CALB1: variants seen among roughly 807,000 people sequenced by gnomAD.
The protein encoded by CALB1 is calbindin.
A neutral mutation model predicts 46.7 loss-of-function variants in CALB1; 16 were observed. The ratio of observed to expected loss-of-function variants is 0.34; its 90% CI spans 0.23 to 0.52. The LOEUF (loss-of-function observed/expected upper bound fraction) is 0.52, where lower values mean the gene tolerates loss of function less well. Among genes scored for constraint, CALB1 ranks in the 20% least tolerant of loss-of-function variants. The pLI is 0.95. For synonymous variants in CALB1, 90 were observed against 112.8 expected (o/e 0.80, Z 1.28); for missense variants, 224 against 300.3 (o/e 0.75, Z 1.88).
chr8:90,079,554 G>A (rs530732241), intron 2 of CALB1, among the ~76,000 whole-genome samples: 7 of 151,766 alleles, frequency 4.6e-5, no homozygotes, highest in African/African-American at 7.2e-5. Context: ...ACATCTTAAC[G>A]TAAACAAAAA....
At chr8:90,076,479 A>G (rs1814625339) in intron 3 of CALB1, among the ~76,000 whole-genome samples, 1 of 152,024 alleles carries the variant, frequency 6.6e-6, no homozygotes, top group South Asian at 2.1e-4. Flanking sequence ...TTAATTTTCT[A>G]GTTATGATGA....
chr8:90,078,519 C>G (rs1434793824), intron 2 of CALB1, 72 bp from the exon 3 acceptor site: 4 of 877,938 alleles, frequency 4.6e-6, no homozygotes, highest in Non-Finnish European at 5.4e-6. Flanking sequence ...GTGTTAATAA[C>G]TTACTGCAAA....
At chr8:90,072,544 T>C (rs1814549877) in intron 3 of CALB1, among the ~76,000 whole-genome samples, 1 of 152,242 alleles carries the variant, frequency 6.6e-6, no homozygotes, top group African/African-American at 2.4e-5. Context: ...GATGTGGCTA[T>C]AGTGAATGTA....
intron 5 of CALB1, among the ~76,000 whole-genome samples, 170 bp downstream of exon 5, chr8:90,068,828 A>T (rs1300435335): frequency 1.3e-5 from 2 of 152,326 alleles, no homozygotes. Context: ...GAAGCAATTG[A>T]AGATGCTTTT....
chr8:90,059,914 A>G lies in CALB1; in HGVS notation c.*259T>C. 1 of 336,600 alleles carries G rather than the reference A, an allele frequency of 3.0e-6. No homozygotes were observed. The highest frequency in any genetic ancestry group is 5.4e-6 in the Non-Finnish European group (1 of 186,282). 20.9% of individuals were successfully genotyped at this position (336,600 alleles called of 1,614,324 possible). ...CTTGTTCAACTATATTTGTGAAAGC[A>G]AGAATATGTTATTTTTTAAAATTGG... On this transcript the variant is annotated 3_prime_UTR_variant, in exon 11 of 11. Coordinates refer to ENST00000265431, the MANE Select transcript of CALB1 (RefSeq NM_004929.4).
At chr8:90,076,445 T>G (rs1289417380) in intron 3 of CALB1, among the ~76,000 whole-genome samples, 1 of 152,076 alleles carries the variant, frequency 6.6e-6, no homozygotes, top group East Asian at 1.9e-4. Flanking sequence ...ATAAAATAGA[T>G]CTTCATTTTA....
At chr8:90,060,966 T>C (rs1011770887) in intron 9 of CALB1, 1 of 398,138 alleles carries the variant, frequency 2.5e-6, no homozygotes, top group Non-Finnish European at 4.6e-6. Flanking sequence ...TTAATGTTAA[T>C]AATATCTTCT....
intron 3 of CALB1, among the ~76,000 whole-genome samples, chr8:90,076,071 C>G (rs1814618049): frequency 6.6e-6 from 1 of 152,032 alleles, no homozygotes; most frequent in Non-Finnish European, 1.5e-5. Context: ...TGTCCTGGAA[C>G]ACTAAAACCT....
chr8:90,079,954 AAAGAG>A (rs1334949640), intron 2 of CALB1, among the ~76,000 whole-genome samples: 1 of 151,972 alleles, frequency 6.6e-6, no homozygotes, highest in African/African-American at 2.4e-5. Flanking sequence ...TGTTCTAAAG[AAAGAG>A]AAGAAATATA....
chr8:90,075,205 C>T (rs536890586), intron 3 of CALB1, among the ~76,000 whole-genome samples: 1 of 152,306 alleles, frequency 6.6e-6, no homozygotes, highest in South Asian at 2.1e-4. Context: ...TGTCAGCTAA[C>T]TTTGTCACGT....
chr8:90,072,694 T>C (rs1261407735), intron 3 of CALB1, among the ~76,000 whole-genome samples: 3 of 152,228 alleles, frequency 2.0e-5, no homozygotes, highest in African/African-American at 7.2e-5. Context: ...TATGACTATG[T>C]CTATAATGTG....
chr8:90,060,345 G>T (rs1814274168), intron 10 of CALB1, 59 bp from the exon 11 acceptor site: 1 of 1,012,816 alleles, frequency 9.9e-7, no homozygotes, highest in Non-Finnish European at 1.6e-6. Flanking sequence ...ATTAACCACT[G>T]TCAAGTGATA....
chr8:90,082,084 C>T lies in CALB1; in HGVS notation c.98G>A (p.Gly33Glu). 1 of 1,614,056 alleles carries T rather than the reference C, an allele frequency of 6.2e-7. No homozygotes were observed. The highest frequency in any genetic ancestry group is 8.5e-7 in the Non-Finnish European group (1 of 1,179,968). ...FDADGSGYLE[G>E]KELQNLIQEL... ...CTGGATCAAGTTCTGCAGCTCCTTT[C>T]CTTCCAGGTAACCACTTCCTGCAAA... Residue 33 changes from glycine (G) to glutamate (E), a missense_variant, in exon 2 of 11, where the codon GGA (glycine) becomes GAA (glutamate). Transcript: ENST00000265431.
chr8:90,068,045 T>C (rs1814432129), intron 5 of CALB1, among the ~76,000 whole-genome samples: 1 of 152,102 alleles, frequency 6.6e-6, no homozygotes, highest in Admixed American at 6.6e-5. Context: ...AAAAGTAGGG[T>C]CTTTCAGATG....
intron 3 of CALB1, among the ~76,000 whole-genome samples, chr8:90,076,020 G>A (rs1326075166): frequency 6.6e-6 from 1 of 151,950 alleles, no homozygotes; most frequent in East Asian, 1.9e-4. Context: ...AAGGAATGTT[G>A]GCTAGTTCTT....
chr8:90,081,491 A>G, intron 2 of CALB1: 1 of 983,012 alleles, frequency 1.0e-6, no homozygotes, highest in Non-Finnish European at 1.2e-6. Flanking sequence ...GTGATAGAGT[A>G]AGAGATCCAT....
chr8:90,073,484 G>T (rs970664653), intron 3 of CALB1, among the ~76,000 whole-genome samples: 1 of 152,182 alleles, frequency 6.6e-6, no homozygotes, highest in Non-Finnish European at 1.5e-5. Flanking sequence ...GTCAGCTGAT[G>T]TCCCCGTTGA....
At chr8:90,071,041 A>T (rs1814506319) in intron 3 of CALB1, among the ~76,000 whole-genome samples, 1 of 152,172 alleles carries the variant, frequency 6.6e-6, no homozygotes, top group Non-Finnish European at 1.5e-5. Flanking sequence ...TAAGGCCCAA[A>T]GAGGTTGAAT....
chr8:90,077,501 A>C (rs1473115744), intron 3 of CALB1, among the ~76,000 whole-genome samples: 2 of 152,022 alleles, frequency 1.3e-5, no homozygotes, highest in Non-Finnish European at 2.9e-5. Flanking sequence ...TTATGTTATG[A>C]TTTGGCATAT....
Sources: gnomAD v4.1 joint callset for allele counts (sites outside exome capture counted in the v4.1 genomes callset) on GRCh38, gnomAD v4.1.1 for gene constraint, MANE v1.5 for transcripts, NCBI Gene and HGNC (gene_info 2026-07-23, HGNC 2026-07-21) for gene names.